ZNF469: variants seen among roughly 807,000 people sequenced by gnomAD.
The protein encoded by ZNF469 is zinc finger protein 469.
A neutral mutation model predicts 1.0 loss-of-function variants in ZNF469; 1 was observed. That is an observed-to-expected ratio of 1.00 (90% confidence interval 0.35 to 4.73). ZNF469 has a LOEUF of 4.73. Among genes scored for constraint, ZNF469 ranks in the 30% most tolerant of loss-of-function variants. The pLI, the probability that ZNF469 is intolerant of heterozygous loss-of-function variation, is 0.16. For missense variants in ZNF469, 6,100 were observed against 5,356.3 expected (o/e 1.14, Z -4.33); for synonymous variants, 2,703 against 2,363.4 (o/e 1.14, Z -4.17).
At chr16:88,327,557 G>C in the ZNF469 span, among the ~76,000 whole-genome samples, 1 of 152,100 alleles carries the variant, frequency 6.6e-6, no homozygotes. Context: ...TGGGGTTGGG[G>C]GGGGGTCTGT....
the ZNF469 span, among the ~76,000 whole-genome samples, chr16:88,275,102 C>G: frequency 6.6e-6 from 1 of 152,202 alleles, no homozygotes; most frequent in Admixed American, 6.5e-5. Flanking sequence ...CACAAATGCT[C>G]CCACGAGCTC....
At chr16:88,231,436 G>A in the ZNF469 span, among the ~76,000 whole-genome samples, 2,917 of 152,234 alleles carry the variant, frequency 0.019, 37 homozygotes, top group African/African-American at 0.067. The surrounding 1 kb of genome is among the most constrained non-coding windows in gnomAD (Gnocchi z 4.5). Context: ...TCAGTGCCAC[G>A]GGGCTGCGAC....
the ZNF469 span, among the ~76,000 whole-genome samples, chr16:88,245,448 G>A: frequency 5.9e-5 from 9 of 152,392 alleles, no homozygotes; most frequent in Non-Finnish European, 1.0e-4. Context: ...GCCGCTGTGA[G>A]ACTCAGCAGG....
the ZNF469 span, among the ~76,000 whole-genome samples, chr16:88,275,024 G>T: frequency 6.6e-6 from 1 of 152,244 alleles, no homozygotes; most frequent in African/African-American, 2.4e-5. Flanking sequence ...CAGAGTGAGT[G>T]TGTGGGAGGG....
At chr16:88,237,152 G>GTC in the ZNF469 span, among the ~76,000 whole-genome samples, 6 of 70,330 alleles carry the variant, frequency 8.5e-5, no homozygotes, top group East Asian at 4.5e-4. Flanking sequence ...TCCTGCCACG[G>GTC]ACCCTCCCTG....
In ZNF469 at chr16:88,435,661, T is replaced by C; in HGVS notation, c.8191T>C (p.Cys2731Arg). Reference sequence around the variant, plus strand: ...GAAGCCACCTGGAGATCGGATGCTGTGTCCAGGGAGGATGGATGGTGCAGC... The same window carrying C: ...GAAGCCACCTGGAGATCGGATGCTGCGTCCAGGGAGGATGGATGGTGCAGC... Reference protein sequence around the residue: ...AQKPPGDRMLCPGRMDGAALG... With the variant: ...AQKPPGDRMLRPGRMDGAALG... The change falls in exon 3 of 3, where the codon TGT (cysteine) becomes CGT (arginine). Residue 2731 changes from cysteine (C) to arginine (R), a missense_variant. Coordinates refer to ENST00000565624, the MANE Select transcript of ZNF469 (RefSeq NM_001367624.2). The C allele has an allele frequency of 1.9e-6, 3 of 1,550,384 alleles. No individual in the cohort carries two copies. Among genetic ancestry groups the C allele is most frequent in the Non-Finnish European group, 2.6e-6 (3 of 1,146,944 alleles).
the ZNF469 span, among the ~76,000 whole-genome samples, chr16:88,246,611 C>G: frequency 6.6e-6 from 1 of 152,358 alleles, no homozygotes; most frequent in East Asian, 1.9e-4. Flanking sequence ...ATTCGTAGGT[C>G]AAAGTGAAGC....
At chr16:88,265,314 C>A in the ZNF469 span, among the ~76,000 whole-genome samples, 1 of 152,166 alleles carries the variant, frequency 6.6e-6, no homozygotes, top group African/African-American at 2.4e-5. Context: ...AGGCCAGGGG[C>A]CTTCCTGGGA....
chr16:88,394,056 T>A (rs1363453591), intron 1 of ZNF469, among the ~76,000 whole-genome samples: 1 of 151,168 alleles, frequency 6.6e-6, no homozygotes, highest in East Asian at 2.0e-4. Context: ...GTTTGACACG[T>A]CTACACCTGC....
the ZNF469 span, among the ~76,000 whole-genome samples, chr16:88,295,457 G>T: frequency 6.8e-6 from 1 of 148,042 alleles, no homozygotes; most frequent in East Asian, 2.0e-4. Flanking sequence ...GCAGGGCTCA[G>T]GGTATGGGGA....
chr16:88,248,892 T>C, the ZNF469 span, among the ~76,000 whole-genome samples: 1 of 152,122 alleles, frequency 6.6e-6, no homozygotes, highest in Non-Finnish European at 1.5e-5. Context: ...GGATGATCTC[T>C]CTGTGTGCGC....
At chr16:88,405,578 TG>T (rs1905005730) in intron 1 of ZNF469, among the ~76,000 whole-genome samples, 3 of 151,650 alleles carry the variant, frequency 2.0e-5, no homozygotes, top group Admixed American at 1.3e-4. Context: ...GGCTGGGGAG[TG>T]AGTGGACACA....
the ZNF469 span, among the ~76,000 whole-genome samples, chr16:88,253,073 G>C: frequency 6.6e-6 from 1 of 152,206 alleles, no homozygotes; most frequent in Non-Finnish European, 1.5e-5. Flanking sequence ...TCCATGGGAT[G>C]AATGAATTAT....
At chr16:88,256,514 T>C in the ZNF469 span, among the ~76,000 whole-genome samples, 1 of 152,250 alleles carries the variant, frequency 6.6e-6, no homozygotes, top group Non-Finnish European at 1.5e-5. Context: ...GCTATAAACG[T>C]CTGTGTGTAG....
At position 88,431,050 on chromosome 16, in the gene ZNF469, C is replaced by T. The variant is rs1428087312; in HGVS notation, c.3580C>T (p.Arg1194Cys). The change falls in exon 3 of 3, where the codon CGC becomes TGC. Residue 1194 changes from arginine to cysteine, a missense_variant. By Grantham distance (180) the Arg-to-Cys change is radical. Transcript: ENST00000565624. ...GGAGGGAGGCCCCAAGTGTGCTGAT[C>T]GCCCCTCAGTGGCCCCCAAGGATCC... ...AREGGPKCAD[R>C]PSVAPKDPLQ... is the part of the protein sequence containing the mutation. 3 of 1,548,342 alleles carry T rather than the reference C, an allele frequency of 1.9e-6. No homozygotes were observed. Among genetic ancestry groups the T allele is most frequent in the African/African-American group, 1.4e-5 (1 of 73,008 alleles).
At chr16:88,355,863 T>C in the ZNF469 span, among the ~76,000 whole-genome samples, 1 of 152,104 alleles carries the variant, frequency 6.6e-6, no homozygotes, top group Non-Finnish European at 1.5e-5. Flanking sequence ...GACCACACTT[T>C]GGGGTGCAGA....
At chr16:88,235,105 G>T in the ZNF469 span, among the ~76,000 whole-genome samples, 3 of 151,818 alleles carry the variant, frequency 2.0e-5, no homozygotes, top group African/African-American at 7.3e-5. Context: ...CCCGGCGCTG[G>T]GGCTGCTGCT....
At chr16:88,138,222 G>T in the ZNF469 span, among the ~76,000 whole-genome samples, 6 of 152,232 alleles carry the variant, frequency 3.9e-5, no homozygotes, top group African/African-American at 1.4e-4. Flanking sequence ...AGTAGTTGGT[G>T]AATCATTACT....
Position 88,431,921 on chromosome 16 carries a change from G to A in ZNF469, c.4451G>A (p.Cys1484Tyr), listed in dbSNP as rs772751192. The A allele has an allele frequency of 1.3e-6, 2 of 1,549,482 alleles. No individual in the cohort carries two copies. Among genetic ancestry groups the A allele is most frequent in the Non-Finnish European group, 1.7e-6 (2 of 1,146,892 alleles). ...ANRDSGLPFACADPPQKTVPS... is the reference protein window; with the variant it reads ...ANRDSGLPFAYADPPQKTVPS... ...AGGGACTCCGGTCTGCCGTTCGCAT[G>A]TGCCGACCCTCCCCAGAAGACGGTG... The change falls in exon 3 of 3, where the codon TGT (cysteine) becomes TAT (tyrosine). Residue 1484 changes from cysteine to tyrosine, a missense_variant. Coordinates refer to ENST00000565624, the MANE Select transcript of ZNF469 (RefSeq NM_001367624.2).
Sources: allele counts gnomAD v4.1 joint callset (sites outside exome capture counted in the v4.1 genomes callset), GRCh38; gene constraint gnomAD v4.1.1; non-coding constraint Gnocchi (gnomAD v3.1); transcripts MANE v1.5; gene names NCBI Gene and HGNC (gene_info 2026-07-23, HGNC 2026-07-21).